DMBT1: variants seen among roughly 807,000 people sequenced by gnomAD.
DMBT1 encodes the protein deleted in malignant brain tumors 1, also known as scavenger receptor cysteine-rich domain-containing protein DMBT1.
In DMBT1, 198 loss-of-function variants were observed where a neutral mutation model predicts 252.9. The observed-to-expected ratio is 0.78, with a 90% CI of 0.70 to 0.88. The LOEUF is 0.88. Ranked by LOEUF, DMBT1 falls within the 40% of genes least tolerant of loss-of-function variation. The probability of loss-of-function intolerance (pLI) is 0.00; values close to 1 mark genes in which losing one functional copy is unlikely to be tolerated. For synonymous variants in DMBT1, 990 were observed against 942.7 expected, an observed-to-expected ratio of 1.05 and a Z score of -0.92; for missense variants, 2,432 against 2,404.7, an observed-to-expected ratio of 1.01 and a Z score of -0.24.
chr10:122,641,407 G>A (rs771653865), intron 55 of DMBT1, among the ~76,000 whole-genome samples: 13 of 152,206 alleles, frequency 8.5e-5, no homozygotes, highest in Non-Finnish European at 1.6e-4. Flanking sequence ...AGGATAAAGA[G>A]TTCTACTAGG....
At position 122,586,385 on chromosome 10, in the gene DMBT1, T is replaced by C; in HGVS notation, c.1783+2T>C. The C allele has an allele frequency of 6.3e-7, 1 of 1,588,470 alleles. No homozygotes were observed. Among genetic ancestry groups the C allele is most frequent in the Non-Finnish European group, 8.6e-7 (1 of 1,165,694 alleles). ...AAGACGCTGGTGTCATCTGCTCAGG[T>C]GGGCCTCCAAGACTTTTGGTTTCCT... On this transcript the variant is annotated splice_donor_variant, in intron 16 of 55. Transcript: ENST00000338354. LOFTEE classifies it high-confidence loss of function.
intron 54 of DMBT1, 116 bp downstream of exon 54, chr10:122,637,428 A>G: frequency 8.5e-7 from 1 of 1,178,212 alleles, no homozygotes; most frequent in Non-Finnish European, 1.2e-6. Context: ...TAATCAGGAC[A>G]TAATTGGAAT....
At chr10:122,638,616 A>T (rs548574229) in intron 54 of DMBT1, among the ~76,000 whole-genome samples, 123 of 151,596 alleles carry the variant, frequency 8.1e-4, no homozygotes, top group African/African-American at 1.6e-3. Context: ...TAATTAACAA[A>T]TTTTTTTTTG....
intron 13 of DMBT1, 73 bp from the exon 14 acceptor site, chr10:122,584,249 G>T: frequency 5.3e-6 from 2 of 375,168 alleles, no homozygotes; most frequent in East Asian, 4.5e-5. Context: ...GATCTGTTTA[G>T]TTCCTTCCAC....
At position 122,598,807 on chromosome 10, in the gene DMBT1, A is replaced by T. The variant is rs1263240690; in HGVS notation, c.2990A>T (p.Asn997Ile). The T allele has an allele frequency of 6.2e-7, 1 of 1,613,340 alleles. No homozygotes were observed. Among genetic ancestry groups the T allele is most frequent in the African/African-American group, 1.3e-5 (1 of 74,910 alleles). The change falls in exon 26 of 56, where the codon AAT becomes ATT. Residue 997 changes from asparagine (N) to isoleucine (I), a missense_variant. Transcript: ENST00000338354. ...SESSLALRLV[N>I]GGDRCQGRVE... is the part of the protein sequence containing the mutation. ...TCCAGTTTGGCCCTGAGGCTGGTGA[A>T]TGGAGGTGACAGGTGTCAGGGCCGA...
intron 48 of DMBT1, among the ~76,000 whole-genome samples, chr10:122,630,748 G>A (rs763221760): frequency 8.5e-5 from 13 of 152,280 alleles, no homozygotes; most frequent in East Asian, 3.9e-4. Context: ...ACCCCTCTCC[G>A]TCTGGAGGTG....
Position 122,592,373 on chromosome 10 carries a change from G to T in DMBT1, c.2278G>T (p.Asp760Tyr). The stretch of plus-strand genomic sequence containing the variant: ...AGGCTCCTGGGGCACCGTGTGTGAT[G>T]ACAGCTGGGATACCAATGATGCCAA... The part of the protein sequence containing the change: ...YRGSWGTVCD[D>Y]SWDTNDANVV... Residue 760 changes from aspartate (D) to tyrosine (Y), a missense_variant, in exon 20 of 56, where the codon GAC (aspartate) becomes TAC (tyrosine). By Grantham distance (160) the Asp-to-Tyr change is radical. Transcript: ENST00000338354. The T allele has an allele frequency of 5.0e-6, 8 of 1,588,590 alleles. 1 individual carries two copies. Among genetic ancestry groups the T allele is most frequent in the Non-Finnish European group, 4.3e-6 (5 of 1,165,854 alleles).
At chr10:122,564,383 C>T (rs2012257) in intron 1 of DMBT1, among the ~76,000 whole-genome samples, 102,003 of 152,106 alleles carry the variant, frequency 0.67, 34,561 homozygotes, top group East Asian at 0.78. Context: ...GCAGGAGGCT[C>T]GCTTGAACCC....
At chr10:122,597,345 C>G (rs2097891724) in intron 24 of DMBT1, among the ~76,000 whole-genome samples, 1 of 152,194 alleles carries the variant, frequency 6.6e-6, no homozygotes, top group South Asian at 2.1e-4. Context: ...AGCTTTGGCA[C>G]TTTTCTATTC....
At chr10:122,570,240 C>T (rs1450388825) in intron 3 of DMBT1, 31 bp downstream of exon 3, 5 of 1,494,058 alleles carry the variant, frequency 3.3e-6, no homozygotes, top group Admixed American at 1.7e-5. Context: ...ACCCTGTGGG[C>T]TCATTACCCC....
intron 54 of DMBT1, among the ~76,000 whole-genome samples, chr10:122,637,901 T>C (rs962559367): frequency 1.3e-5 from 2 of 152,174 alleles, no homozygotes; most frequent in African/African-American, 4.8e-5. Context: ...GCATCCAATT[T>C]TGGGTGAAAG....
intron 40 of DMBT1, among the ~76,000 whole-genome samples, chr10:122,617,755 G>A (rs944231640): frequency 6.6e-6 from 1 of 151,628 alleles, no homozygotes; most frequent in African/African-American, 2.4e-5. Context: ...GCCCAGAGTA[G>A]GGAGTGGGGC....
chr10:122,580,300 GTT>G lies in DMBT1; in HGVS notation c.1003+400_1003+401del, dbSNP rs1311118174. ...ACTAAAGATGCTTGGCTAAAAGTGG[GTT>G]CTCAGCTGAGACCCAGTGAGGAGGT... On this transcript the variant is annotated intron_variant, in intron 10 of 55. Coordinates refer to ENST00000338354, the MANE Select transcript of DMBT1 (RefSeq NM_001377530.1). Among the ~76,000 whole-genome samples the G allele has an allele frequency of 3.3e-5, 5 of 152,204 alleles. No individual in the cohort carries two copies. The East Asian group carries it at 5.8e-4, about 18-fold the overall frequency.
chr10:122,629,243 C>T (rs2098140075), intron 46 of DMBT1, among the ~76,000 whole-genome samples: 1 of 152,164 alleles, frequency 6.6e-6, no homozygotes, highest in Admixed American at 6.5e-5. Flanking sequence ...ACAGATGAGG[C>T]AGATGCCATT....
At chr10:122,620,532 G>C (rs1251767270) in intron 43 of DMBT1, among the ~76,000 whole-genome samples, 1 of 152,200 alleles carries the variant, frequency 6.6e-6, no homozygotes, top group East Asian at 1.9e-4. Context: ...CCTCAGCCAG[G>C]TGCTCAGGAC....
intron 2 of DMBT1, among the ~76,000 whole-genome samples, chr10:122,569,689 G>C (rs1446187192): frequency 6.6e-6 from 1 of 152,216 alleles, no homozygotes; most frequent in East Asian, 1.9e-4. Context: ...AGGGGACATG[G>C]TCCTCCATGC....
chr10:122,599,733 C>T (rs145060596), intron 26 of DMBT1, among the ~76,000 whole-genome samples: 15 of 152,268 alleles, frequency 9.9e-5, no homozygotes, highest in South Asian at 2.1e-4. Context: ...GGCTTGAGGA[C>T]GGCACAAGGG....
rs368468854 is a variant in DMBT1, at chr10:122,600,002, G to A, written c.3281-62G>A. On this transcript the variant is annotated intron_variant, in intron 26 of 55. Transcript: ENST00000338354. ...GACTCGCCCATTTCTTTCCCTCCTC[G>A]TTCCACTTTGCCGACTTCTGTGTAA... 4.5e-5 allele frequency: 71 copies of A among 1,591,516 alleles called. 1 individual carries two copies. The highest frequency in any genetic ancestry group is 1.1e-4 in the African/African-American group (8 of 72,734).
At chr10:122,641,483 G>A (rs1844521662) in intron 55 of DMBT1, among the ~76,000 whole-genome samples, 1 of 152,142 alleles carries the variant, frequency 6.6e-6, no homozygotes, top group Admixed American at 6.5e-5. Context: ...CTCTTTCCAG[G>A]CACAGTGTGA....
Sources: allele counts gnomAD v4.1 joint callset (sites outside exome capture counted in the v4.1 genomes callset), GRCh38; gene constraint gnomAD v4.1.1; transcripts MANE v1.5; gene names NCBI Gene and HGNC (gene_info 2026-07-23, HGNC 2026-07-21).